RFC1: variants seen among roughly 807,000 people sequenced by gnomAD.
RFC1 encodes replication factor C subunit 1, also known as A1 140 kDa subunit.
RFC1 carries 37 observed loss-of-function variants against 137.4 expected under a neutral mutation model. That is an observed-to-expected ratio of 0.27 (90% confidence interval 0.21 to 0.35). RFC1 has a LOEUF of 0.35. Ranked by LOEUF, RFC1 falls within the 10% of genes least tolerant of loss-of-function variation. The pLI, the probability that RFC1 is intolerant of heterozygous loss-of-function variation, is 1.00. For synonymous variants in RFC1, 429 were observed against 455.7 expected, an observed-to-expected ratio of 0.94 and a Z score of 0.75; for missense variants, 1,205 against 1,358.5, an observed-to-expected ratio of 0.89 and a Z score of 1.78.
At position 39,366,304 on chromosome 4, in the gene RFC1, G is replaced by A. The variant is rs17287851; in HGVS notation, c.-63C>T. The A allele has an allele frequency of 4.4e-3, 6,610 of 1,488,916 alleles. 264 individuals are homozygous for A. In the African/African-American group the frequency reaches 0.084, roughly 19 times the overall value. The allele number at this position is 1,488,916 out of a possible 1,614,324, so 92.2% of individuals were successfully genotyped here. ...TGGGCCGGTTGAGGAATCTGTTATC[G>A]AGGCTCAGGATCCATTCGCGCCAAC... is the stretch of plus-strand genomic sequence containing the variant. On this transcript the variant is annotated 5_prime_UTR_variant, in exon 1 of 25. An upstream open reading frame in the 5' UTR gains an earlier in-frame stop. Coordinates refer to ENST00000349703, the MANE Select transcript of RFC1 (RefSeq NM_002913.5).
intron 15 of RFC1, 64 bp from the exon 16 acceptor site, chr4:39,303,215 T>C: frequency 1.9e-6 from 2 of 1,065,258 alleles, no homozygotes; most frequent in South Asian, 2.5e-5. Flanking sequence ...CAAAAACTGC[T>C]GCTCTGTAGA....
chr4:39,313,064 G>A, intron 10 of RFC1, 133 bp from the exon 11 acceptor site: 4 of 720,298 alleles, frequency 5.6e-6, no homozygotes, highest in South Asian at 2.2e-5. Flanking sequence ...AAAGTTTGCT[G>A]GAAATTTACA....
At chr4:39,313,685 TGGGAAAAAA>T (rs148251878) in intron 10 of RFC1, among the ~76,000 whole-genome samples, 13,930 of 152,034 alleles carry the variant, frequency 0.092, 802 homozygotes, top group East Asian at 0.19. Flanking sequence ...TACTGTTTTA[TGGGAAAAAA>T]GGGAAAAAAG....
intron 4 of RFC1, among the ~76,000 whole-genome samples, chr4:39,338,236 T>A (rs1740451636): frequency 6.6e-6 from 1 of 152,112 alleles, no homozygotes; most frequent in Admixed American, 6.6e-5. Context: ...AATCAATAAA[T>A]CCTAGTAGAA....
chr4:39,295,552 A>T, intron 22 of RFC1, 62 bp downstream of exon 22: 1 of 1,384,946 alleles, frequency 7.2e-7, no homozygotes, highest in Non-Finnish European at 9.9e-7. Context: ...CATGATCATT[A>T]CTGGATAAAG....
chr4:39,289,168 G>C (rs1308038463), intron 24 of RFC1, among the ~76,000 whole-genome samples: 1 of 152,208 alleles, frequency 6.6e-6, no homozygotes. Flanking sequence ...TTGACAAATA[G>C]GGTAATGTTT....
At chr4:39,361,963 C>T (rs951342471) in intron 1 of RFC1, among the ~76,000 whole-genome samples, 9 of 151,962 alleles carry the variant, frequency 5.9e-5, no homozygotes, top group African/African-American at 1.9e-4. Context: ...GGGGTGAACC[C>T]GGGAGGCGGA....
At chr4:39,351,184 G>C (rs1741171900) in intron 2 of RFC1, among the ~76,000 whole-genome samples, 164 bp downstream of exon 2, 1 of 146,546 alleles carries the variant, frequency 6.8e-6, no homozygotes, top group African/African-American at 2.5e-5. Context: ...CCAGGAGGCG[G>C]AGCTTGCAGT....
At chr4:39,344,492 A>G (rs1412197602) in intron 3 of RFC1, among the ~76,000 whole-genome samples, 1 of 152,122 alleles carries the variant, frequency 6.6e-6, no homozygotes, top group African/African-American at 2.4e-5. Context: ...ATAGGGCCAG[A>G]GGCTCATGCC....
intron 5 of RFC1, among the ~76,000 whole-genome samples, chr4:39,326,916 T>G (rs1035633426): frequency 4.6e-5 from 7 of 152,204 alleles, no homozygotes; most frequent in African/African-American, 1.7e-4. Flanking sequence ...CCCAATCCTG[T>G]AGATTAATGT....
Position 39,317,035 on chromosome 4 carries a change from G to A in RFC1, c.1096-13C>T, listed in dbSNP as rs1269206590. The A allele has an allele frequency of 6.4e-7, 1 of 1,557,894 alleles. No homozygotes were observed. Among genetic ancestry groups the A allele is most frequent in the East Asian group, 2.2e-5 (1 of 44,600 alleles). ...CAGGACTTACAGACTTTGGGAACAGGGAAAGGAAAATGAACAAAGTCATAC... is the reference window on the plus strand; with the variant it reads ...CAGGACTTACAGACTTTGGGAACAGAGAAAGGAAAATGAACAAAGTCATAC... On this transcript the variant is annotated splice_polypyrimidine_tract_variant and intron_variant, in intron 9 of 24. Coordinates refer to ENST00000349703, the MANE Select transcript of RFC1 (RefSeq NM_002913.5).
In RFC1 at chr4:39,291,824, T is replaced by A; in HGVS notation, c.2983A>T (p.Met995Leu). Residue 995 changes from methionine (M) to leucine (L), a missense_variant, in exon 23 of 25, where the codon ATG becomes TTG. Physicochemically the swap from Met to Leu is conservative, Grantham distance 15. This residue lies in a region of RFC1 where 237 missense variants were observed against 304.2 expected (regional missense o/e 0.78). Coordinates refer to ENST00000349703, the MANE Select transcript of RFC1 (RefSeq NM_002913.5). ...RTYSSKRTVN[M>L]DYLSLLRDAL... ...TCCCTTAGAAGCGACAGATAATCCA[T>A]GTTTACAGTCCTTTTGCTGGAGTAA... The A allele has an allele frequency of 6.2e-7, 1 of 1,614,144 alleles. No homozygotes were observed. The highest frequency in any genetic ancestry group is 8.5e-7 in the Non-Finnish European group (1 of 1,179,976).
chr4:39,323,523 TC>T, intron 6 of RFC1, 106 bp from the exon 7 acceptor site: 1 of 941,946 alleles, frequency 1.1e-6, no homozygotes. Flanking sequence ...AAAAACATTT[TC>T]CAGAAAATAA....
At chr4:39,316,319 A>C (rs1739239250) in intron 10 of RFC1, among the ~76,000 whole-genome samples, 3 of 152,182 alleles carry the variant, frequency 2.0e-5, no homozygotes, top group Admixed American at 2.0e-4. Context: ...CTCTTTGGCC[A>C]TTCTCATCCC....
intron 9 of RFC1, 34 bp downstream of exon 9, chr4:39,320,349 C>CAAAAAAAAAAAAAAAAAAAAACAAA (rs1739451410): frequency 9.8e-7 from 1 of 1,024,010 alleles, no homozygotes; most frequent in Non-Finnish European, 1.2e-6. Context: ...AACTCCATCT[C>CAAAAAAAAAAAAAAAAAAAAACAAA]AAAAAAAAAA....
At chr4:39,356,313 G>T (rs1056254516) in intron 1 of RFC1, among the ~76,000 whole-genome samples, 1 of 151,210 alleles carries the variant, frequency 6.6e-6, no homozygotes, top group Admixed American at 6.6e-5. Flanking sequence ...GCAGGAGAAC[G>T]GCTTGAGCCC....
intron 1 of RFC1, among the ~76,000 whole-genome samples, chr4:39,359,669 A>C (rs1161913624): frequency 6.6e-6 from 1 of 152,062 alleles, no homozygotes; most frequent in Non-Finnish European, 1.5e-5. Context: ...AAAAATACAA[A>C]AAATTAGCCA....
At chr4:39,351,796 T>C (rs544098803) in intron 1 of RFC1, among the ~76,000 whole-genome samples, 313 of 151,940 alleles carry the variant, frequency 2.1e-3, no homozygotes, top group African/African-American at 7.2e-3. Flanking sequence ...ACCCCGTTTC[T>C]ACTAAAAATA....
At chr4:39,293,133 AAG>A (rs1578100232) in intron 22 of RFC1, among the ~76,000 whole-genome samples, 2 of 152,162 alleles carry the variant, frequency 1.3e-5, no homozygotes, top group East Asian at 3.8e-4. Context: ...TACCTAGACA[AAG>A]AGTTTTTAAA....
Sources: gnomAD v4.1 joint callset for allele counts (sites outside exome capture counted in the v4.1 genomes callset) on GRCh38, gnomAD v4.1.1 for gene constraint, gnomAD v4.1.1 regional missense constraint, MANE v1.5 for transcripts, NCBI Gene and HGNC (gene_info 2026-07-23, HGNC 2026-07-21) for gene names.